COX15: variants seen among roughly 807,000 people sequenced by gnomAD.
COX15 encodes heme A synthase COX15.
Under a neutral mutation model 51.9 loss-of-function variants are expected in COX15, and 51 were observed. The observed-to-expected ratio is 0.98, with a 90% CI of 0.78 to 1.24. COX15 has a LOEUF of 1.24. Ranked by LOEUF, COX15 falls within the 50% of genes most tolerant of loss-of-function variation. The pLI is 0.00. For synonymous variants in COX15, 188 were observed against 190.5 expected (o/e 0.99, Z 0.11); for missense variants, 420 against 501.1 (o/e 0.84, Z 1.55).
chr10:99,714,749 G>C (rs373817857), intron 8 of COX15, 31 bp from the exon 9 acceptor site: 1 of 1,610,672 alleles, frequency 6.2e-7, no homozygotes, highest in Non-Finnish European at 8.5e-7. Flanking sequence ...CAATAGGAAA[G>C]GCAGTAACCC....
chr10:99,698,475 C>T, the COX15 span: 3 of 1,509,112 alleles, frequency 2.0e-6, no homozygotes, highest in Admixed American at 5.6e-5. Flanking sequence ...GTTTCTTAGA[C>T]TAGGTTGAAT....
chr10:99,701,539 C>T, the COX15 span, among the ~76,000 whole-genome samples: 2 of 151,558 alleles, frequency 1.3e-5, no homozygotes, highest in Admixed American at 6.6e-5. Context: ...CCGCCTGCCT[C>T]GCCCTCCCAG....
In COX15 at chr10:99,716,476, G is replaced by C. The variant is rs1363832267; in HGVS notation, c.988-15C>G. 2 of 1,562,338 alleles carry C rather than the reference G, an allele frequency of 1.3e-6. No individual in the cohort carries two copies. Among genetic ancestry groups the C allele is most frequent in the East Asian group, 4.5e-5 (2 of 44,566 alleles). ...GAAGTGATTCCCTGCAGGGAAGAAA[G>C]AGTCTATCACATTAGATAGAAGTGC... On this transcript the variant is annotated splice_polypyrimidine_tract_variant and intron_variant, in intron 7 of 8. Coordinates refer to ENST00000016171, the MANE Select transcript of COX15 (RefSeq NM_078470.6).
rs2036386796 is a variant in COX15 at position 99,711,556 on chromosome 10, A to C, written c.*3031T>G. 1.0e-6 allele frequency: 1 copy of C among 985,342 alleles called. No homozygotes were observed. The highest frequency in any genetic ancestry group is 1.7e-5 in the African/African-American group (1 of 57,252). 61.0% of individuals were successfully genotyped at this position (985,342 alleles called of 1,614,324 possible). A position where few individuals can be genotyped will look rare whatever the true frequency, so the allele number is the denominator to read the frequency against. Reference sequence around the variant, plus strand: ...CAGAACTTTCTAAGGTAACTAGGCTATTAGGACCTAAGCCAGTGGTCCCTA... The same window carrying C: ...CAGAACTTTCTAAGGTAACTAGGCTCTTAGGACCTAAGCCAGTGGTCCCTA... On this transcript the variant is annotated 3_prime_UTR_variant, in exon 9 of 9. Coordinates refer to ENST00000016171, the MANE Select transcript of COX15 (RefSeq NM_078470.6).
rs2036408684 is a variant in COX15, at chr10:99,712,066, G to C, written c.*2521C>G. ...GCTCTTGCATAAACAACCAGAGTGA[G>C]AACTCACTCATTACTATGGGGATGG... On this transcript the variant is annotated 3_prime_UTR_variant, in exon 9 of 9. Transcript: ENST00000016171. 3.3e-6 allele frequency: 1 copy of C among 302,044 alleles called. No homozygotes were observed. 18.7% of individuals were successfully genotyped at this position (302,044 alleles called of 1,614,324 possible). A position where few individuals can be genotyped will look rare whatever the true frequency, so the allele number is the denominator to read the frequency against.
Position 99,727,120 on chromosome 10 carries a change from A to G in COX15, c.430T>C (p.Phe144Leu), listed in dbSNP as rs767594997. ...NHDMTLTEFK[F>L]IWYMEYSHRM... The stretch of plus-strand genomic sequence containing the variant: ...TGTGAGTACTCCATGTACCAGATGA[A>G]CTTGAATTCTGTCAGTGTCATATCA... Residue 144 changes from phenylalanine (F) to leucine (L), a missense_variant, in exon 4 of 9, where the codon TTC becomes CTC. Coordinates refer to ENST00000016171, the MANE Select transcript of COX15 (RefSeq NM_078470.6). 5 of 1,614,216 alleles carry G rather than the reference A, an allele frequency of 3.1e-6. No homozygotes were observed. The Admixed American group carries it at 6.7e-5, about 22-fold the overall frequency.
chr10:99,730,186 C>T (rs2037092111), intron 1 of COX15, among the ~76,000 whole-genome samples: 1 of 152,176 alleles, frequency 6.6e-6, no homozygotes, highest in African/African-American at 2.4e-5. Flanking sequence ...GCCCTTAATA[C>T]ACTGTAATGT....
chr10:99,727,428 C>T lies in COX15; in HGVS notation c.395+13G>A. On this transcript the variant is annotated intron_variant, in intron 3 of 8. Coordinates refer to ENST00000016171, the MANE Select transcript of COX15 (RefSeq NM_078470.6). ...CCTACTGGGATGTTTACCTAATTTT[C>T]TCTAATACTTACATTTTAAATTCTG... 6.2e-7 allele frequency: 1 copy of T among 1,612,658 alleles called. No homozygotes were observed. Among genetic ancestry groups the T allele is most frequent in the African/African-American group, 1.3e-5 (1 of 75,032 alleles).
chr10:99,708,926 T>C, downstream of COX15: 3 of 985,418 alleles, frequency 3.0e-6, no homozygotes, highest in Non-Finnish European at 3.6e-6. Context: ...CAACTAACCA[T>C]GCCCCATCTT....
At chr10:99,702,441 T>G in the COX15 span, 1 of 1,315,126 alleles carries the variant, frequency 7.6e-7, no homozygotes, top group East Asian at 2.6e-5. Flanking sequence ...GAATACGGAG[T>G]GGCTTATTGC....
the COX15 span, among the ~76,000 whole-genome samples, chr10:99,701,387 C>T: frequency 6.6e-6 from 1 of 151,466 alleles, no homozygotes; most frequent in African/African-American, 2.4e-5. Flanking sequence ...TCCTGGGTTC[C>T]AGCGATTCTC....
At chr10:99,695,152 T>C in the COX15 span, among the ~76,000 whole-genome samples, 1 of 152,190 alleles carries the variant, frequency 6.6e-6, no homozygotes, top group Non-Finnish European at 1.5e-5. Flanking sequence ...CACCTTTTCA[T>C]TGGCGGTACA....
chr10:99,709,301 C>G, downstream of COX15: 2 of 985,314 alleles, frequency 2.0e-6, no homozygotes, highest in Non-Finnish European at 2.4e-6. Flanking sequence ...AAACTAGTAT[C>G]TAATTGTCCT....
At chr10:99,710,855 C>A (rs1400502152), downstream of COX15, 1 of 985,270 alleles carries the variant, frequency 1.0e-6, no homozygotes, top group African/African-American at 1.7e-5. Context: ...ACAAAAAATT[C>A]TAGGTTGACT....
In COX15 at chr10:99,713,475, G is replaced by T. The variant is rs368386864; in HGVS notation, c.*1112C>A. On this transcript the variant is annotated 3_prime_UTR_variant, in exon 9 of 9. Transcript: ENST00000016171. ...TTTAAAAGTAAAGTTGAATAAGACA[G>T]GGCCCTATGAAATATCAATAGAGAC... 30 of 1,612,792 alleles carry T rather than the reference G, an allele frequency of 1.9e-5. No individual in the cohort carries two copies. In the African/African-American group the frequency reaches 3.7e-4, roughly 20 times the overall value.
chr10:99,704,485 T>C, the COX15 span: 5 of 1,614,104 alleles, frequency 3.1e-6, no homozygotes, highest in East Asian at 2.2e-5. Context: ...GACAAGCCCA[T>C]GGTAGCTGGT....
Position 99,718,355 on chromosome 10 carries a change from G to T in COX15, c.978C>A (p.His326Gln). ...FENPTMVQFD[H>Q]RILGITSVTA... is the part of the protein sequence containing the mutation. ...CACCAACTACACTTACCAGAATCCG[G>T]TGATCAAACTGCACCATGGTGGGAT... The change falls in exon 7 of 9, where the codon CAC becomes CAA. Residue 326 changes from histidine to glutamine, a missense_variant. His to Gln is a conservative substitution (Grantham distance 24). Transcript: ENST00000016171. 5.6e-6 allele frequency: 9 copies of T among 1,614,070 alleles called. No homozygotes were observed. The highest frequency in any genetic ancestry group is 7.6e-6 in the Non-Finnish European group (9 of 1,180,010).
the COX15 span, chr10:99,704,414 C>T: frequency 6.3e-7 from 1 of 1,598,186 alleles, no homozygotes. Flanking sequence ...TGAAACTTAA[C>T]AGTTTTTTCC....
downstream of COX15, chr10:99,709,354 T>C (rs1246636904): frequency 2.0e-6 from 2 of 985,306 alleles, no homozygotes; most frequent in African/African-American, 1.7e-5. Context: ...GGAATAAGAA[T>C]TATGGTAGAA....
Sources: allele counts gnomAD v4.1 joint callset (sites outside exome capture counted in the v4.1 genomes callset), GRCh38; gene constraint gnomAD v4.1.1; transcripts MANE v1.5; gene names NCBI Gene and HGNC (gene_info 2026-07-23, HGNC 2026-07-21).